The following DAB1 variants were observed in gnomAD, a reference collection of about 807,000 sequenced individuals.
DAB1 encodes the protein DAB adaptor protein 1.
DAB1 carries 15 observed loss-of-function variants against 64.6 expected under a neutral mutation model. The ratio of observed to expected loss-of-function variants is 0.23; its 90% CI spans 0.16 to 0.36. DAB1 has a LOEUF of 0.36. Among genes scored for constraint, DAB1 ranks in the 10% least tolerant of loss-of-function variants. The pLI is 1.00. For missense variants in DAB1, 596 were observed against 706.7 expected (o/e 0.84, Z 1.78); for synonymous variants, 235 against 251.9 (o/e 0.93, Z 0.64).
At chr1:57,195,199 T>C (rs572501639) in intron 2 of DAB1, among the ~76,000 whole-genome samples, 4 of 152,246 alleles carry the variant, frequency 2.6e-5, no homozygotes, top group African/African-American at 9.6e-5. Flanking sequence ...CAAACGTTTA[T>C]GGAATCTAGT....
intron 4 of DAB1, among the ~76,000 whole-genome samples, chr1:58,321,306 G>A (rs747260727): frequency 1.5e-4 from 23 of 152,154 alleles, no homozygotes; most frequent in Non-Finnish European, 3.1e-4. Flanking sequence ...CATCATTCGC[G>A]AATAGTAACA....
At position 57,846,009 on chromosome 1, in the gene DAB1, C is replaced by T. The variant is rs182306911; in HGVS notation, n.88-19554G>A. 1.6e-4 allele frequency among the ~76,000 whole-genome samples: 25 copies of T among 152,206 alleles called. 2 individuals are homozygous for T. The highest frequency in any genetic ancestry group is 5.3e-4 in the African/African-American group (22 of 41,522). On this transcript the variant is annotated intron_variant and non_coding_transcript_variant, in intron 1 of 1. Transcript: ENST00000477280. ...TATAAATGAAGATGCTGTCTGCACA[C>T]GAAATGCTTTGTGGATCACATGACT...
intron 2 of DAB1, among the ~76,000 whole-genome samples, chr1:57,237,297 TG>T (rs1433241262): frequency 5.3e-5 from 8 of 152,196 alleles, no homozygotes; most frequent in African/African-American, 1.7e-4. Context: ...CCTGTCCCCA[TG>T]GGGAGACAAT....
intron 4 of DAB1, among the ~76,000 whole-genome samples, chr1:58,265,338 A>G (rs1661135606): frequency 6.6e-6 from 1 of 152,182 alleles, no homozygotes; most frequent in African/African-American, 2.4e-5. Flanking sequence ...TCTCTCTCTC[A>G]AGGCAAACTT....
intron 1 of DAB1, among the ~76,000 whole-genome samples, chr1:57,409,156 C>T (rs1315742614): frequency 6.6e-6 from 1 of 152,158 alleles, no homozygotes; most frequent in African/African-American, 2.4e-5. Flanking sequence ...GTTCCACCTG[C>T]CTCCTGGGGG....
At chr1:57,460,400 G>A (rs1686744592) in intron 7 of DAB1, among the ~76,000 whole-genome samples, 1 of 152,200 alleles carries the variant, frequency 6.6e-6, no homozygotes, top group African/African-American at 2.4e-5. Flanking sequence ...ACACAGAAAT[G>A]AAGGCAAAGA....
chr1:58,521,407 A>G (rs546678446), intron 2 of DAB1, among the ~76,000 whole-genome samples: 11 of 152,178 alleles, frequency 7.2e-5, no homozygotes, highest in African/African-American at 1.9e-4. Context: ...AACCCAAAAA[A>G]TGAATGCAGA....
intron 5 of DAB1, among the ~76,000 whole-genome samples, chr1:57,908,961 C>A (rs539304034): frequency 2.1e-5 from 3 of 146,000 alleles, no homozygotes; most frequent in Non-Finnish European, 4.6e-5. Context: ...GGAACCAGGT[C>A]TATTTTCCTT....
intron 7 of DAB1, among the ~76,000 whole-genome samples, chr1:57,616,401 T>TG (rs34459474): frequency 0.21 from 31,662 of 152,164 alleles, 3,998 homozygotes; most frequent in East Asian, 0.33. Flanking sequence ...ATATTGAATC[T>TG]TTTTTTAATG....
At chr1:58,414,550 T>TTGAA (rs1311336961) in intron 3 of DAB1, among the ~76,000 whole-genome samples, 10 of 152,222 alleles carry the variant, frequency 6.6e-5, no homozygotes, top group Non-Finnish European at 8.8e-5. Flanking sequence ...TTCATGTTTC[T>TTGAA]TGAATGAATG....
intron 4 of DAB1, among the ~76,000 whole-genome samples, chr1:58,305,488 C>T (rs1662284369): frequency 1.3e-5 from 2 of 152,128 alleles, no homozygotes; most frequent in South Asian, 4.1e-4. Context: ...ATTACATACT[C>T]TTCATAAAAT....
chr1:58,070,664 G>A (rs1251688283), intron 5 of DAB1, among the ~76,000 whole-genome samples: 4 of 152,164 alleles, frequency 2.6e-5, no homozygotes, highest in Admixed American at 1.3e-4. Context: ...TGGGATGCAG[G>A]CCTGTGGCTA....
In DAB1 at chr1:58,123,863, C is replaced by A. The variant is rs1456710654; in HGVS notation, n.387+26648G>T. On this transcript the variant is annotated intron_variant and non_coding_transcript_variant, in intron 5 of 20. Coordinates refer to the DAB1 transcript ENST00000485760. ...AATCATTTATAAGACTCAGGCTTTG[C>A]AGTTATATATGTGAGAGGAAGACAG... Among the ~76,000 whole-genome samples, 3 of 152,118 alleles carry A rather than the reference C, an allele frequency of 2.0e-5. No homozygotes were observed. The East Asian group carries it at 5.8e-4, about 29-fold the overall frequency.
chr1:57,898,634 C>G (rs59435252), intron 5 of DAB1, among the ~76,000 whole-genome samples: 1 of 152,138 alleles, frequency 6.6e-6, no homozygotes, highest in African/African-American at 2.4e-5. Flanking sequence ...CCAAAGCTCT[C>G]TTGCCTGGGT....
intron 7 of DAB1, among the ~76,000 whole-genome samples, chr1:57,501,542 C>T (rs1253088124): frequency 6.6e-6 from 1 of 152,080 alleles, no homozygotes; most frequent in Non-Finnish European, 1.5e-5. Context: ...GCCAGATATA[C>T]CAAGGATTGG....
intron 2 of DAB1, among the ~76,000 whole-genome samples, chr1:57,288,760 G>A (rs1228845425): frequency 6.6e-6 from 1 of 151,998 alleles, no homozygotes; most frequent in Non-Finnish European, 1.5e-5. Context: ...GGGAAATGGA[G>A]AAAGATGACA....
intron 1 of DAB1, among the ~76,000 whole-genome samples, chr1:57,421,770 G>A (rs188738457): frequency 1.3e-5 from 2 of 151,978 alleles, no homozygotes; most frequent in Admixed American, 1.3e-4. Context: ...TGATTGCTTA[G>A]AAGTTGACTT....
At chr1:58,185,188 A>G (rs1264172294) in intron 4 of DAB1, among the ~76,000 whole-genome samples, 2 of 152,142 alleles carry the variant, frequency 1.3e-5, no homozygotes, top group Admixed American at 6.5e-5. Context: ...TCTGGGTCCT[A>G]CTCATCAATC....
chr1:57,080,161 C>T (rs1418638447), intron 4 of DAB1, among the ~76,000 whole-genome samples: 3 of 152,172 alleles, frequency 2.0e-5, no homozygotes, highest in Admixed American at 6.5e-5. Context: ...ACTATCACTG[C>T]CATTTATCTC....
Sources: allele counts gnomAD v4.1 joint callset (sites outside exome capture counted in the v4.1 genomes callset), GRCh38; gene constraint gnomAD v4.1.1; transcripts MANE v1.5; gene names NCBI Gene and HGNC (gene_info 2026-07-23, HGNC 2026-07-21).